The following ATXN2 variants were observed in gnomAD, a reference collection of about 807,000 sequenced individuals.
ATXN2 encodes the protein ataxin 2.
Under a neutral mutation model 138.6 loss-of-function variants are expected in ATXN2, and 37 were observed. The ratio of observed to expected loss-of-function variants is 0.27; its 90% CI spans 0.21 to 0.35. The LOEUF (loss-of-function observed/expected upper bound fraction) is 0.35, where lower values mean the gene tolerates loss of function less well. ATXN2 is among the 10% of genes least tolerant of loss of function. The probability of loss-of-function intolerance (pLI) is 1.00; values close to 1 mark genes in which losing one functional copy is unlikely to be tolerated. For missense variants in ATXN2, 1,216 were observed against 1,480.3 expected (o/e 0.82, Z 2.93); for synonymous variants, 549 against 543.7 (o/e 1.01, Z -0.13).
chr12:111,507,231 C>T (rs1242701997), intron 14 of ATXN2, among the ~76,000 whole-genome samples: 4 of 151,774 alleles, frequency 2.6e-5, no homozygotes, highest in Admixed American at 2.6e-4. Flanking sequence ...GCGTCTCTGC[C>T]CGGCCACCCG....
At chr12:111,502,636 G>C (rs970072012) in intron 14 of ATXN2, among the ~76,000 whole-genome samples, 1 of 151,782 alleles carries the variant, frequency 6.6e-6, no homozygotes, top group Admixed American at 6.6e-5. Context: ...TCATCATGTC[G>C]GCCAGGCTGG....
rs1179648259 is a variant in ATXN2, at chr12:111,520,089, G to A, written c.789-13C>T. ...TTCTAAGGGCACTCTGAAACATGAG[G>A]AAAAGAAAAGCAAAATGAGTCCTTT... On this transcript the variant is annotated splice_polypyrimidine_tract_variant and intron_variant, in intron 7 of 24. Transcript: ENST00000673436. 1 of 1,611,376 alleles carries A rather than the reference G, an allele frequency of 6.2e-7. No homozygotes were observed. Among genetic ancestry groups the A allele is most frequent in the African/African-American group, 1.3e-5 (1 of 74,844 alleles).
chr12:111,585,859 CTT>C (rs1017358219), intron 1 of ATXN2, among the ~76,000 whole-genome samples: 2 of 138,096 alleles, frequency 1.4e-5, no homozygotes, highest in African/African-American at 2.6e-5. Context: ...TTGTTGAGCT[CTT>C]GTGTCTGTTT....
intron 18 of ATXN2, among the ~76,000 whole-genome samples, chr12:111,476,157 C>A (rs1363455896): frequency 6.6e-6 from 1 of 152,108 alleles, no homozygotes; most frequent in Non-Finnish European, 1.5e-5. Flanking sequence ...TTTCCTACAT[C>A]ACCCAGGTTG....
chr12:111,457,391 A>G (rs777327738), intron 21 of ATXN2, 32 bp from the exon 22 acceptor site: 1 of 1,578,752 alleles, frequency 6.3e-7, no homozygotes, highest in South Asian at 1.2e-5. Context: ...CATGTACACA[A>G]CCGATGTCTG....
chr12:111,501,500 G>A (rs1878759796), intron 14 of ATXN2, among the ~76,000 whole-genome samples: 1 of 152,162 alleles, frequency 6.6e-6, no homozygotes, highest in South Asian at 2.1e-4. Context: ...TACCTCTTCA[G>A]CCTCAGTATA....
chr12:111,510,121 T>G, intron 12 of ATXN2, 123 bp from the exon 13 acceptor site: 1 of 799,458 alleles, frequency 1.3e-6, no homozygotes, highest in East Asian at 2.7e-5. Flanking sequence ...ACAGAGGCTT[T>G]TTTTCCTTTG....
At chr12:111,523,957 T>C (rs1880335132) in intron 6 of ATXN2, among the ~76,000 whole-genome samples, 1 of 152,132 alleles carries the variant, frequency 6.6e-6, no homozygotes, top group Non-Finnish European at 1.5e-5. Context: ...TATGGATATA[T>C]GAGGGCAAAA....
At chr12:111,583,316 T>C (rs1028943263) in intron 1 of ATXN2, among the ~76,000 whole-genome samples, 6 of 152,112 alleles carry the variant, frequency 3.9e-5, no homozygotes, top group African/African-American at 1.4e-4. Flanking sequence ...TCTCTTTTAA[T>C]AGGTAAATAA....
chr12:111,553,572 C>CCAAA (rs1882231284), intron 3 of ATXN2, among the ~76,000 whole-genome samples: 1 of 48,926 alleles, frequency 2.0e-5, no homozygotes, highest in South Asian at 1.3e-3. Context: ...TCTTTTTTCT[C>CCAAA]AAAAAAAAAA....
rs1249035408 is a variant in ATXN2 at position 111,540,469 on chromosome 12, C to T, written c.571+11811G>A. On this transcript the variant is annotated intron_variant, in intron 5 of 24. Transcript: ENST00000673436. ...CACTAAGTAGTAGTAATCTTTCTCA[C>T]ATTTACCATTCAGCGCAAGCTGATA... is the stretch of plus-strand genomic sequence containing the variant. Among the ~76,000 whole-genome samples, 2 of 150,644 alleles carry T rather than the reference C, an allele frequency of 1.3e-5. 1 individual carries two copies. Among genetic ancestry groups the T allele is most frequent in the Non-Finnish European group, 3.0e-5 (2 of 67,218 alleles).
At chr12:111,525,397 A>AT in intron 5 of ATXN2, 81 bp from the exon 6 acceptor site, 11 of 1,333,758 alleles carry the variant, frequency 8.2e-6, no homozygotes, top group Non-Finnish European at 1.1e-5. Flanking sequence ...CAACAAAGAC[A>AT]TATGTTAAAA....
intron 24 of ATXN2, 135 bp from the exon 25 acceptor site, chr12:111,452,975 C>T: frequency 8.0e-7 from 1 of 1,250,948 alleles, no homozygotes; most frequent in Non-Finnish European, 1.0e-6. Flanking sequence ...GCTTTTCCCC[C>T]TCCCATCTGC....
rs1881472927 is a variant in ATXN2, at chr12:111,541,035, T to C, written c.571+11245A>G. On this transcript the variant is annotated intron_variant, in intron 5 of 24. Transcript: ENST00000673436. ...CTTTATAATCAAAGGTATCGATCTT[T>C]TACTTCATGATTTTTTTGCTCTGGT... Among the ~76,000 whole-genome samples the C allele has an allele frequency of 1.3e-5, 2 of 150,168 alleles. 1 individual carries two copies. The highest frequency in any genetic ancestry group is 1.3e-4 in the Admixed American group (2 of 14,964).
chr12:111,503,579 G>A (rs1188541546), intron 14 of ATXN2, among the ~76,000 whole-genome samples: 1 of 151,422 alleles, frequency 6.6e-6, no homozygotes, highest in African/African-American at 2.4e-5. Context: ...TTTAAGTTCT[G>A]GGACACATAT....
chr12:111,588,229 T>C (rs562576682), intron 1 of ATXN2, among the ~76,000 whole-genome samples: 114 of 143,272 alleles, frequency 8.0e-4, no homozygotes, highest in African/African-American at 3.2e-3. Flanking sequence ...ATAAAACAAA[T>C]TGACATTGTA....
intron 10 of ATXN2, among the ~76,000 whole-genome samples, chr12:111,515,795 A>C (rs1239534193): frequency 6.6e-6 from 1 of 152,188 alleles, no homozygotes; most frequent in Non-Finnish European, 1.5e-5. Context: ...AGAGCTGTAA[A>C]ATGAACCTAA....
intron 14 of ATXN2, among the ~76,000 whole-genome samples, chr12:111,494,172 C>T (rs999724209): frequency 2.6e-5 from 4 of 151,964 alleles, no homozygotes; most frequent in South Asian, 2.1e-4. Flanking sequence ...TTAGGTGATC[C>T]GCCCACCTCA....
chr12:111,550,518 A>C (rs1322271543), intron 5 of ATXN2, among the ~76,000 whole-genome samples: 3 of 152,196 alleles, frequency 2.0e-5, no homozygotes, highest in Non-Finnish European at 4.4e-5. Flanking sequence ...ATTCAACTAA[A>C]ATTTTATCTT....
Sources: gnomAD v4.1 joint callset for allele counts (sites outside exome capture counted in the v4.1 genomes callset) on GRCh38, gnomAD v4.1.1 for gene constraint, MANE v1.5 for transcripts, NCBI Gene and HGNC (gene_info 2026-07-23, HGNC 2026-07-21) for gene names.